Variants in CR1 observed in about 807,000 individuals in gnomAD.
CR1 encodes the protein complement receptor type 1.
Under a neutral mutation model 187.3 loss-of-function variants are expected in CR1, and 116 were observed. The ratio of observed to expected loss-of-function variants is 0.62; its 90% CI spans 0.53 to 0.72. The LOEUF (loss-of-function observed/expected upper bound fraction) is 0.72, where lower values mean the gene tolerates loss of function less well. Among genes scored for constraint, CR1 ranks in the 30% least tolerant of loss-of-function variants. The probability of loss-of-function intolerance (pLI) is 0.00; values close to 1 mark genes in which losing one functional copy is unlikely to be tolerated. For synonymous variants in CR1, 576 were observed against 747.1 expected (o/e 0.77, Z 3.73); for missense variants, 1,731 against 2,110.7 (o/e 0.82, Z 3.52).
chr1:207,609,581 A>T lies in CR1; in HGVS notation c.6188A>T (p.Glu2063Val), dbSNP rs1344284047. ...PGNRSFFTLT[E>V]IIRFRCQPGF... is the part of the protein sequence containing the mutation. ...AACAGGAGTTTCTTTACCCTCACTG[A>T]GATCATCAGATTTAGATGTCAGCCC... The change falls in exon 37 of 47, where the codon GAG becomes GTG. Residue 2063 changes from glutamate to valine, a missense_variant. Around this residue, in one of 5 missense-constraint regions of CR1, gnomAD observed 1,312 missense variants for 1,379.6 expected, o/e 0.95. Transcript: ENST00000367049. 6.2e-7 allele frequency: 1 copy of T among 1,613,354 alleles called. No homozygotes were observed. Among genetic ancestry groups the T allele is most frequent in the Non-Finnish European group, 8.5e-7 (1 of 1,179,682 alleles).
rs1458614791 is a variant in CR1, at chr1:207,622,994, C to T, written c.7278C>T (p.Gly2426=). 1 of 1,568,126 alleles carries T rather than the reference C, an allele frequency of 6.4e-7. No individual in the cohort carries two copies. The highest frequency in any genetic ancestry group is 1.9e-5 in the Admixed American group (1 of 53,232). The change falls in exon 45 of 47, where the codon GGC becomes GGT. Residue 2426 remains glycine, a splice_region_variant and synonymous_variant. Transcript: ENST00000367049. ...TAATTACCTTGTTTTACTGCCTAGG[C>T]ACTTTATCTGGTACGATCTTCTTTA... ...TSRTHDALIV[G]TLSGTIFFIL... is the part of the protein sequence containing the mutation.
At chr1:207,615,666 T>C (rs1662070745) in intron 40 of CR1, among the ~76,000 whole-genome samples, 1 of 152,238 alleles carries the variant, frequency 6.6e-6, no homozygotes, top group African/African-American at 2.4e-5. Context: ...TGTATTGTGT[T>C]AAAATAACTT....
At position 207,584,651 on chromosome 1, in the gene CR1, A is replaced by C; in HGVS notation, c.5305A>C (p.Ile1769Leu). The change falls in exon 33 of 47, where the codon ATC becomes CTC. Residue 1769 changes from isoleucine to leucine, a missense_variant and splice_region_variant. By Grantham distance (5) the Ile-to-Leu change is conservative. This residue lies in a region of CR1 where 1,312 missense variants were observed against 1,379.6 expected (regional missense o/e 0.95). Transcript: ENST00000367049. ...GAGAGCTCTTGTTTTCTTTCTAGAT[A>C]TCTTTTGTCCAAATCCTCCAGCTAT... Reference protein sequence around the residue: ...WNNSVPVCEHIFCPNPPAILN... With the variant: ...WNNSVPVCEHLFCPNPPAILN... 6.2e-7 allele frequency: 1 copy of C among 1,613,112 alleles called. No individual in the cohort carries two copies. The highest frequency in any genetic ancestry group is 8.5e-7 in the Non-Finnish European group (1 of 1,179,380).
chr1:207,580,571 A>T lies in CR1; in HGVS notation c.5174A>T (p.Asn1725Ile), dbSNP rs762660563. 8 of 1,612,474 alleles carry T rather than the reference A, an allele frequency of 5.0e-6. No homozygotes were observed. The change falls in exon 31 of 47, where the codon AAT (asparagine) becomes ATT (isoleucine). Residue 1725 changes from asparagine (N) to isoleucine (I), a missense_variant. This residue lies in a region of CR1 where 1,312 missense variants were observed against 1,379.6 expected (regional missense o/e 0.95). Transcript: ENST00000367049. ...CATGGCCGTGTGCTATTTCCACTTA[A>T]TCTCCAGCTTGGGGCAAAGGTGTCC... ...LPHGRVLFPL[N>I]LQLGAKVSFV...
At chr1:207,636,798 C>T (rs553378047) in intron 46 of CR1, among the ~76,000 whole-genome samples, 12 of 152,312 alleles carry the variant, frequency 7.9e-5, no homozygotes, top group South Asian at 2.1e-4. Flanking sequence ...AGGCCTCCCA[C>T]GGTTGGTCCA....
At chr1:207,508,233 A>G (rs1222281553) in intron 3 of CR1, among the ~76,000 whole-genome samples, 11 of 152,212 alleles carry the variant, frequency 7.2e-5, no homozygotes, top group African/African-American at 2.7e-4. Flanking sequence ...GTCATAATAA[A>G]TTTATCCGAA....
chr1:207,514,308 A>T (rs1417024904), intron 4 of CR1, among the ~76,000 whole-genome samples: 2 of 152,182 alleles, frequency 1.3e-5, no homozygotes, highest in African/African-American at 2.4e-5. Flanking sequence ...TAAATTATAC[A>T]ATTTAGTGGT....
chr1:207,595,230 T>C (rs2102364335), intron 35 of CR1, among the ~76,000 whole-genome samples: 1 of 148,802 alleles, frequency 6.7e-6, no homozygotes, highest in South Asian at 2.1e-4. Flanking sequence ...ATGACACATA[T>C]ATACACACAA....
intron 1 of CR1, among the ~76,000 whole-genome samples, chr1:207,498,669 A>G (rs1003232315): frequency 2.6e-5 from 4 of 152,054 alleles, no homozygotes; most frequent in African/African-American, 9.7e-5. Flanking sequence ...ACCTCAAGTC[A>G]GGAGTTCAAG....
chr1:207,630,560 C>T lies in CR1; in HGVS notation c.7396C>T (p.His2466Tyr), dbSNP rs756707673. ...ENPKEVAIHL[H>Y]SQGGSSVHPR... is the part of the protein sequence containing the mutation. Reference sequence around the variant, plus strand: ...CCCTAAAGAAGTGGCTATCCATTTACATTCTCAAGGAGGCAGCAGCGTTCA... The same window carrying T: ...CCCTAAAGAAGTGGCTATCCATTTATATTCTCAAGGAGGCAGCAGCGTTCA... Residue 2466 changes from histidine to tyrosine, a missense_variant, in exon 46 of 47, where the codon CAT becomes TAT. By Grantham distance (83) the His-to-Tyr change is moderately conservative. Coordinates refer to ENST00000367049, the MANE Select transcript of CR1 (RefSeq NM_000651.6). The T allele has an allele frequency of 5.6e-6, 9 of 1,611,468 alleles. No individual in the cohort carries two copies. The Admixed American group carries it at 1.3e-4, about 24-fold the overall frequency.
rs772448550 is a variant in CR1, at chr1:207,611,737, T to C, written c.6356T>C (p.Phe2119Ser). 6.2e-7 allele frequency: 1 copy of C among 1,613,854 alleles called. No individual in the cohort carries two copies. The highest frequency in any genetic ancestry group is 8.5e-7 in the Non-Finnish European group (1 of 1,179,870). ...GEHTLSHQDN[F>S]SPGQEVFYSC... The stretch of plus-strand genomic sequence containing the variant: ...CATACCCTAAGCCATCAGGACAACT[T>C]TTCACCTGGGCAGGAAGTGTTCTAC... Residue 2119 changes from phenylalanine to serine, a missense_variant, in exon 38 of 47, where the codon TTT becomes TCT. Physicochemically the swap from Phe to Ser is radical, Grantham distance 155. Transcript: ENST00000367049.
In CR1 at chr1:207,506,762, T is replaced by C. The variant is rs993321712; in HGVS notation, c.350T>C (p.Val117Ala). ...GATCCTGTGAATGGCATGGTGCATG[T>C]GATCAAAGGCATCCAGTTCGGATCC... ...PPDPVNGMVHVIKGIQFGSQI... is the reference protein window; with the variant it reads ...PPDPVNGMVHAIKGIQFGSQI... The change falls in exon 3 of 47, where the codon GTG (valine) becomes GCG (alanine). Residue 117 changes from valine (V) to alanine (A), a missense_variant. This residue lies in a region of CR1 where 237 missense variants were observed against 240.4 expected (regional missense o/e 0.99). Transcript: ENST00000367049. 3 of 1,613,604 alleles carry C rather than the reference T, an allele frequency of 1.9e-6. No homozygotes were observed. In the African/African-American group the frequency reaches 4.0e-5, roughly 22 times the overall value.
intron 46 of CR1, among the ~76,000 whole-genome samples, chr1:207,637,203 AT>A (rs202075085): frequency 6.6e-6 from 1 of 152,042 alleles, no homozygotes; most frequent in Admixed American, 6.5e-5. Context: ...AAAGACTGTA[AT>A]TTTTTAGCTT....
intron 37 of CR1, among the ~76,000 whole-genome samples, chr1:207,610,532 A>G (rs763979271): frequency 6.6e-6 from 1 of 151,878 alleles, no homozygotes; most frequent in African/African-American, 2.4e-5. Context: ...GAGTCTTGCT[A>G]TGTTGCCCAG....
At position 207,575,617 on chromosome 1, in the gene CR1, T is replaced by C. The variant is rs763763079; in HGVS notation, c.4474T>C (p.Ser1492Pro). 2.1e-4 allele frequency: 333 copies of C among 1,611,732 alleles called. No homozygotes were observed. Among genetic ancestry groups the C allele is most frequent in the Non-Finnish European group, 2.7e-4 (323 of 1,179,710 alleles). ...TTGHRLIGHS[S>P]AECILSGNTA... ...TAGGCACCGACTCATTGGTCACTCA[T>C]CTGCTGAATGTATCCTCTCAGGCAA... Residue 1492 changes from serine (S) to proline (P), a missense_variant, in exon 28 of 47, where the codon TCT (serine) becomes CCT (proline). Around this residue, in one of 5 missense-constraint regions of CR1, gnomAD observed 1,312 missense variants for 1,379.6 expected, o/e 0.95. Coordinates refer to ENST00000367049, the MANE Select transcript of CR1 (RefSeq NM_000651.6).
intron 3 of CR1, among the ~76,000 whole-genome samples, chr1:207,508,121 G>A (rs1659501541): frequency 6.6e-6 from 1 of 152,228 alleles, no homozygotes; most frequent in Admixed American, 6.5e-5. Flanking sequence ...GAAAATATCA[G>A]TGGTTGTCAG....
chr1:207,638,496 T>C (rs1662883366), intron 46 of CR1, among the ~76,000 whole-genome samples: 1 of 152,206 alleles, frequency 6.6e-6, no homozygotes, highest in South Asian at 2.1e-4. Context: ...TGCTCCAGTG[T>C]CTACTAACCC....
intron 28 of CR1, 132 bp downstream of exon 28, chr1:207,575,812 C>G (rs1323674535): frequency 7.1e-7 from 1 of 1,413,332 alleles, no homozygotes; most frequent in Admixed American, 1.8e-5. Flanking sequence ...TAGTCATATC[C>G]TTAAAATGGC....
intron 4 of CR1, among the ~76,000 whole-genome samples, chr1:207,519,554 C>T (rs1029672155): frequency 2.6e-5 from 4 of 152,178 alleles, no homozygotes; most frequent in African/African-American, 7.2e-5. Flanking sequence ...CTCCAAACAA[C>T]GCAAGTACCG....
Sources: allele counts gnomAD v4.1 joint callset (sites outside exome capture counted in the v4.1 genomes callset), GRCh38; gene constraint gnomAD v4.1.1; regional missense constraint gnomAD v4.1.1; transcripts MANE v1.5; gene names NCBI Gene and HGNC (gene_info 2026-07-23, HGNC 2026-07-21).